SMPD3: variants seen among roughly 807,000 people sequenced by gnomAD.
SMPD3 encodes the protein nSMase-2.
In SMPD3, 21 loss-of-function variants were observed where a neutral mutation model predicts 55.7. The observed-to-expected ratio is 0.38, with a 90% confidence interval of 0.27 to 0.54. The LOEUF (loss-of-function observed/expected upper bound fraction) is 0.54, where lower values mean the gene tolerates loss of function less well. Ranked by LOEUF, SMPD3 falls within the 20% of genes least tolerant of loss-of-function variation. SMPD3 has a pLI of 0.80. For synonymous variants in SMPD3, 457 were observed against 404.3 expected, an observed-to-expected ratio of 1.13 and a Z score of -1.56; for missense variants, 842 against 899.6, an observed-to-expected ratio of 0.94 and a Z score of 0.82.
Position 68,370,948 on chromosome 16 carries a change from G to T in SMPD3, c.1234C>A (p.Arg412Ser), listed in dbSNP as rs768688964. 6.2e-7 allele frequency: 1 copy of T among 1,613,992 alleles called. No homozygotes were observed. The highest frequency in any genetic ancestry group is 1.1e-5 in the South Asian group (1 of 91,082). Reference sequence around the variant, plus strand: ...TAGGCCACGTCCATGATGGGGTAGCGGCTGGCAAAGAGGAGGCCGCTGTTG... The same window carrying T: ...TAGGCCACGTCCATGATGGGGTAGCTGCTGGCAAAGAGGAGGCCGCTGTTG... ...CLNSGLLFASRYPIMDVAYHC... is the reference protein window; with the variant it reads ...CLNSGLLFASSYPIMDVAYHC... Residue 412 changes from arginine (R) to serine (S), a missense_variant, in exon 3 of 9, where the codon CGC (arginine) becomes AGC (serine). Coordinates refer to ENST00000219334, the MANE Select transcript of SMPD3 (RefSeq NM_018667.4).
chr16:68,368,929 T>C (rs190348511), intron 3 of SMPD3: 2 of 152,288 alleles, frequency 1.3e-5, no homozygotes, highest in Admixed American at 6.5e-5. Flanking sequence ...TTTAACATAT[T>C]GGTCAAGGCT....
chr16:68,360,928 A>G lies in SMPD3; in HGVS notation c.*278T>C. On this transcript the variant is annotated 3_prime_UTR_variant, in exon 9 of 9. Coordinates refer to ENST00000219334, the MANE Select transcript of SMPD3 (RefSeq NM_018667.4). ...CGGTCCTCATACTAACCCACGGGTTACAAACTCGGTTGTGCTGTAGATTTG... is the reference window on the plus strand; with the variant it reads ...CGGTCCTCATACTAACCCACGGGTTGCAAACTCGGTTGTGCTGTAGATTTG... 1 of 441,754 alleles carries G rather than the reference A, an allele frequency of 2.3e-6. No individual in the cohort carries two copies. The highest frequency in any genetic ancestry group is 4.1e-6 in the Non-Finnish European group (1 of 244,650). The allele number at this position is 441,754 out of a possible 1,614,324, so 27.4% of individuals were successfully genotyped here.
At chr16:68,428,024 G>T (rs1480882809) in intron 1 of SMPD3, among the ~76,000 whole-genome samples, 1 of 152,136 alleles carries the variant, frequency 6.6e-6, no homozygotes, top group Non-Finnish European at 1.5e-5. Flanking sequence ...GCATCTTCCT[G>T]TGCCTCTGTC....
intron 1 of SMPD3, among the ~76,000 whole-genome samples, chr16:68,414,102 CAT>C (rs1319680441): frequency 6.6e-6 from 1 of 152,212 alleles, no homozygotes; most frequent in African/African-American, 2.4e-5. Flanking sequence ...ACTCTGTTCC[CAT>C]AGTCTAACAG....
At chr16:68,391,789 T>C (rs2090113004) in intron 1 of SMPD3, among the ~76,000 whole-genome samples, 1 of 152,256 alleles carries the variant, frequency 6.6e-6, no homozygotes, top group African/African-American at 2.4e-5. Flanking sequence ...AATTTATATG[T>C]TGAAGCCCTA....
chr16:68,409,589 G>A (rs2090282017), intron 1 of SMPD3, among the ~76,000 whole-genome samples: 1 of 152,136 alleles, frequency 6.6e-6, no homozygotes, highest in African/African-American at 2.4e-5. Flanking sequence ...CTTGGTGCAT[G>A]GTCATCATGA....
chr16:68,430,679 C>T (rs957811361), intron 1 of SMPD3, among the ~76,000 whole-genome samples: 3 of 152,330 alleles, frequency 2.0e-5, no homozygotes, highest in Admixed American at 6.5e-5. Flanking sequence ...AGCCAAAAAA[C>T]ATGGAAGAGA....
intron 1 of SMPD3, among the ~76,000 whole-genome samples, 171 bp from the exon 2 acceptor site, chr16:68,386,830 G>A (rs1464722502): frequency 1.3e-5 from 2 of 152,234 alleles, no homozygotes; most frequent in Non-Finnish European, 2.9e-5. Flanking sequence ...GTGTGTGCCC[G>A]GCAGTTCCAG....
chr16:68,365,764 C>T (rs2089461373), intron 3 of SMPD3, among the ~76,000 whole-genome samples: 1 of 152,218 alleles, frequency 6.6e-6, no homozygotes, highest in East Asian at 1.9e-4. Flanking sequence ...CAGGTCTCCC[C>T]TCTGCCCCGA....
At chr16:68,368,604 C>T (rs2089555701) in intron 3 of SMPD3, 1 of 153,242 alleles carries the variant, frequency 6.5e-6, no homozygotes, top group Non-Finnish European at 1.5e-5. Flanking sequence ...GATGGCAGAA[C>T]ACAGAAGAGG....
intron 1 of SMPD3, among the ~76,000 whole-genome samples, chr16:68,406,873 AAC>A (rs1044017410): frequency 7.9e-5 from 12 of 152,188 alleles, no homozygotes; most frequent in Non-Finnish European, 1.5e-5. Context: ...ACATTTGCTG[AAC>A]ACAGTCAGCT....
chr16:68,417,262 C>G (rs1269112631), intron 1 of SMPD3, among the ~76,000 whole-genome samples: 2 of 152,194 alleles, frequency 1.3e-5, no homozygotes, highest in Non-Finnish European at 2.9e-5. Context: ...CAGTCTGGGT[C>G]TGTTTCTCCA....
chr16:68,361,338 C>T (rs759197099), intron 8 of SMPD3, 31 bp from the exon 9 acceptor site: 1 of 1,588,386 alleles, frequency 6.3e-7, no homozygotes, highest in East Asian at 2.3e-5. Context: ...GAGAAACAGC[C>T]TGGTCAGATT....
intron 1 of SMPD3, among the ~76,000 whole-genome samples, chr16:68,415,804 C>CTTTT (rs5817637): frequency 7.5e-6 from 1 of 133,768 alleles, no homozygotes; most frequent in African/African-American, 2.8e-5. Flanking sequence ...ACCTCTTCAG[C>CTTTT]TTTTTTTTTT....
rs569911097 is a variant in SMPD3, at chr16:68,428,082, A to G, written c.-269+20271T>C. On this transcript the variant is annotated intron_variant, in intron 1 of 8. Transcript: ENST00000219334. The stretch of plus-strand genomic sequence containing the variant: ...CTATGTCCACCTTCATCCACACCCC[A>G]TTTCTATGTTTGCTTTGGAGTGTCT... Among the ~76,000 whole-genome samples, 7 of 152,096 alleles carry G rather than the reference A, an allele frequency of 4.6e-5. No individual in the cohort carries two copies. In the East Asian group the frequency reaches 1.4e-3, roughly 29 times the overall value.
intron 5 of SMPD3, 124 bp downstream of exon 5, chr16:68,364,627 C>T (rs992222675): frequency 2.7e-6 from 3 of 1,118,268 alleles, no homozygotes; most frequent in African/African-American, 3.1e-5. Flanking sequence ...TTGCTAAATA[C>T]CCCGCCCACA....
chr16:68,364,866 C>T lies in SMPD3; in HGVS notation c.1440G>A (p.Gln480=), dbSNP rs764491756. ...ATTTTCGGAAATCAGCCAGCCAGTC[C>T]TGAAGCAGGTCCAGCTGCCCACACC... ...AIRCGQLDLL[Q]DWLADFRKST... Residue 480 remains glutamine, a synonymous_variant, in exon 5 of 9, where the codon CAG becomes CAA. Transcript: ENST00000219334. 3.7e-6 allele frequency: 6 copies of T among 1,614,012 alleles called. No homozygotes were observed. The highest frequency in any genetic ancestry group is 3.4e-6 in the Non-Finnish European group (4 of 1,180,022).
intron 1 of SMPD3, among the ~76,000 whole-genome samples, chr16:68,408,454 T>G (rs2090270276): frequency 1.3e-5 from 2 of 152,214 alleles, no homozygotes; most frequent in Admixed American, 1.3e-4. Flanking sequence ...ATGGGGGAGA[T>G]ATTTTAAGAA....
chr16:68,365,136 G>A, intron 3 of SMPD3, 44 bp from the exon 4 acceptor site: 1 of 1,601,410 alleles, frequency 6.2e-7, no homozygotes. Context: ...CAGTCACTGT[G>A]GCCCTGAGAG....
Sources: allele counts gnomAD v4.1 joint callset (sites outside exome capture counted in the v4.1 genomes callset), GRCh38; gene constraint gnomAD v4.1.1; transcripts MANE v1.5; gene names NCBI Gene and HGNC (gene_info 2026-07-23, HGNC 2026-07-21).